The following FKBP1A variants were observed in gnomAD, a reference collection of about 807,000 sequenced individuals.
FKBP1A encodes the protein FKBP prolyl isomerase 1A.
FKBP1A carries 5 observed loss-of-function variants against 14.2 expected under a neutral mutation model. The ratio of observed to expected loss-of-function variants is 0.35; its 90% CI spans 0.18 to 0.74. The LOEUF (loss-of-function observed/expected upper bound fraction) is 0.74. Ranked by LOEUF, FKBP1A falls within the 30% of genes least tolerant of loss-of-function variation. The probability of loss-of-function intolerance (pLI) is 0.56; values close to 1 mark genes in which losing one functional copy is unlikely to be tolerated. For synonymous variants in FKBP1A, 42 were observed against 49.1 expected (o/e 0.86, Z 0.60); for missense variants, 53 against 138.8 (o/e 0.38, Z 3.10).
At chr20:1,371,012 C>T (rs778899872) in intron 4 of FKBP1A, 5 of 985,308 alleles carry the variant, frequency 5.1e-6, no homozygotes, top group Non-Finnish European at 6.0e-6. Context: ...TAAAAAGCCC[C>T]TCCACTTACA....
intron 2 of FKBP1A, among the ~76,000 whole-genome samples, chr20:1,385,251 A>C (rs952830137): frequency 7.2e-5 from 11 of 151,992 alleles, no homozygotes; most frequent in African/African-American, 2.7e-4. Context: ...TCAGCCGGGC[A>C]TGGTGGCGTG....
At position 1,386,341 on chromosome 20, in the gene FKBP1A, A is replaced by G. The variant is rs2089668962; in HGVS notation, c.85+6493T>C. Reference sequence around the variant, plus strand: ...ATTGAGGCTTTGCCCAGCTCCTTATATATTCACTGAGTGACCGAGGGAATG... The same window carrying G: ...ATTGAGGCTTTGCCCAGCTCCTTATGTATTCACTGAGTGACCGAGGGAATG... On this transcript the variant is annotated intron_variant, in intron 2 of 4. Transcript: ENST00000400137. The surrounding 1 kb of genome is among the most constrained non-coding windows in gnomAD (Gnocchi z 4.7). Among the ~76,000 whole-genome samples, 1 of 152,172 alleles carries G rather than the reference A, an allele frequency of 6.6e-6. No homozygotes were observed. The highest frequency in any genetic ancestry group is 1.5e-5 in the Non-Finnish European group (1 of 68,034).
At chr20:1,383,516 G>C (rs1014115708) in intron 2 of FKBP1A, among the ~76,000 whole-genome samples, 2 of 151,760 alleles carry the variant, frequency 1.3e-5, no homozygotes, top group African/African-American at 2.4e-5. Context: ...ATGACAAAAA[G>C]TACAATGAGG....
intron 2 of FKBP1A, 37 bp downstream of exon 2, chr20:1,392,797 C>G: frequency 6.9e-7 from 1 of 1,456,052 alleles, no homozygotes; most frequent in Non-Finnish European, 9.1e-7. Flanking sequence ...CTGCGGACTG[C>G]GGCCCGGGCC....
intron 2 of FKBP1A, among the ~76,000 whole-genome samples, chr20:1,391,211 G>C (rs1021889790): frequency 2.0e-5 from 3 of 152,100 alleles, no homozygotes; most frequent in Admixed American, 2.0e-4. Flanking sequence ...GGGTGCGGCA[G>C]AAGGCAGCTC....
In FKBP1A at chr20:1,369,578, C is replaced by T. The variant is rs2089433670; in HGVS notation, c.*531G>A. 1 of 167,940 alleles carries T rather than the reference C, an allele frequency of 6.0e-6. No homozygotes were observed. The allele number at this position is 167,940 out of a possible 1,614,324, so 10.4% of individuals were successfully genotyped here. ...TTTAGGTAGGGCTTTTAATTTAACCCAAAGACATCTCTCAACTTGGAGAGT... is the reference window on the plus strand; with the variant it reads ...TTTAGGTAGGGCTTTTAATTTAACCTAAAGACATCTCTCAACTTGGAGAGT... On this transcript the variant is annotated 3_prime_UTR_variant, in exon 5 of 5. Transcript: ENST00000400137.
chr20:1,387,654 T>C (rs1270282583), intron 2 of FKBP1A, among the ~76,000 whole-genome samples: 1 of 152,110 alleles, frequency 6.6e-6, no homozygotes, highest in Admixed American at 6.5e-5. Context: ...GAGACTAGCC[T>C]GGGAAACCTG....
At chr20:1,389,255 G>A (rs137869620) in intron 2 of FKBP1A, among the ~76,000 whole-genome samples, 1 of 152,298 alleles carries the variant, frequency 6.6e-6, no homozygotes, top group East Asian at 1.9e-4. Flanking sequence ...CTGGCTTGCT[G>A]CTGTTGCTCA....
chr20:1,373,686 A>G (rs2089499207), intron 3 of FKBP1A, among the ~76,000 whole-genome samples: 1 of 152,230 alleles, frequency 6.6e-6, no homozygotes, highest in African/African-American at 2.4e-5. Flanking sequence ...GAAGTGAAGT[A>G]GGCCGATAAC....
intron 2 of FKBP1A, among the ~76,000 whole-genome samples, chr20:1,392,271 CA>C (rs2089746939): frequency 6.6e-6 from 1 of 152,172 alleles, no homozygotes; most frequent in Non-Finnish European, 1.5e-5. Context: ...CAGGAAGGGC[CA>C]AAGCAATGAC....
chr20:1,391,012 A>G (rs550007517), intron 2 of FKBP1A, among the ~76,000 whole-genome samples: 2 of 152,300 alleles, frequency 1.3e-5, no homozygotes, highest in East Asian at 3.9e-4. Flanking sequence ...TCTCATAGGA[A>G]AAGGCTCCAG....
In FKBP1A at chr20:1,375,328, A is replaced by G. The variant is rs921067587; in HGVS notation, c.198+163T>C. 7 of 623,646 alleles carry G rather than the reference A, an allele frequency of 1.1e-5. No homozygotes were observed. In the African/African-American group the frequency reaches 1.3e-4, roughly 12 times the overall value. 38.6% of individuals were successfully genotyped at this position (623,646 alleles called of 1,614,324 possible). On this transcript the variant is annotated intron_variant, in intron 3 of 4. Transcript: ENST00000400137. ...ATGTGCTTAAACCACAGTACAAGAA[A>G]CATTAACAACAGGAGCTTCTTGTGG...
intron 2 of FKBP1A, among the ~76,000 whole-genome samples, chr20:1,383,703 ATT>A (rs751576048): frequency 1.5e-4 from 19 of 127,526 alleles, no homozygotes; most frequent in Non-Finnish European, 2.3e-4. Context: ...AAAAAAAAAA[ATT>A]TAGCCAGACA....
rs2089757507 is a variant in FKBP1A at position 1,392,835 on chromosome 20, G to A, written c.84C>T (p.Thr28=). 4.0e-6 allele frequency: 6 copies of A among 1,518,098 alleles called. No homozygotes were observed. The Admixed American group carries it at 6.2e-5, about 16-fold the overall frequency. The allele number at this position is 1,518,098 out of a possible 1,614,324, so 94.0% of individuals were successfully genotyped here. A position where few individuals can be genotyped will look rare whatever the true frequency, so the allele number is the denominator to read the frequency against. ...KRGQTCVVHY[T]GMLEDGKKFD... ...CTCCCCGCTGGGCCCCCGACTCACC[G>A]GTGTAGTGCACCACGCAGGTCTGGC... The change falls in exon 2 of 5, where the codon ACC becomes ACT. Residue 28 remains threonine (T), a splice_region_variant and synonymous_variant. Transcript: ENST00000400137.
intron 4 of FKBP1A, 199 bp from the exon 5 acceptor site, chr20:1,370,271 A>G (rs1206229473): frequency 1.0e-6 from 1 of 985,450 alleles, no homozygotes; most frequent in Non-Finnish European, 1.2e-6. Context: ...TTCTCCTTAA[A>G]TTGATCTGTG....
At chr20:1,370,413 G>A (rs547016737) in intron 4 of FKBP1A, 3 of 980,994 alleles carry the variant, frequency 3.1e-6, no homozygotes, top group Non-Finnish European at 3.6e-6. Flanking sequence ...ATCACCTGGG[G>A]GCTTTAAAAA....
chr20:1,373,515 T>C (rs959064593), intron 3 of FKBP1A, among the ~76,000 whole-genome samples: 2 of 152,200 alleles, frequency 1.3e-5, no homozygotes, highest in African/African-American at 4.8e-5. Flanking sequence ...TTAACTCACT[T>C]GGTGAAAAAA....
At chr20:1,391,206 C>A (rs534587939) in intron 2 of FKBP1A, among the ~76,000 whole-genome samples, 2 of 152,056 alleles carry the variant, frequency 1.3e-5, no homozygotes, top group South Asian at 4.2e-4. Context: ...GGAGGGGGTG[C>A]GGCAGAAGGC....
At position 1,386,359 on chromosome 20, in the gene FKBP1A, A is replaced by C. The variant is rs889853462; in HGVS notation, c.85+6475T>G. 1.3e-5 allele frequency among the ~76,000 whole-genome samples: 2 copies of C among 152,212 alleles called. No homozygotes were observed. Among genetic ancestry groups the C allele is most frequent in the African/African-American group, 2.4e-5 (1 of 41,458 alleles). On this transcript the variant is annotated intron_variant, in intron 2 of 4. Coordinates refer to ENST00000400137, the MANE Select transcript of FKBP1A (RefSeq NM_000801.5). This position sits in a 1 kb window ranked among gnomAD's most constrained non-coding sequence, Gnocchi z 4.7. ...TCCTTATATATTCACTGAGTGACCG[A>C]GGGAATGCCAGGTCCTAACTGGCCA...
Sources: gnomAD v4.1 joint callset for allele counts (sites outside exome capture counted in the v4.1 genomes callset) on GRCh38, gnomAD v4.1.1 for gene constraint, Gnocchi (gnomAD v3.1) non-coding constraint, MANE v1.5 for transcripts, NCBI Gene and HGNC (gene_info 2026-07-23, HGNC 2026-07-21) for gene names.